The following UQCC1 variants were observed in gnomAD, a reference collection of about 807,000 sequenced individuals.
The protein encoded by UQCC1 is ubiquinol-cytochrome c reductase complex assembly factor 1.
A neutral mutation model predicts 48.0 loss-of-function variants in UQCC1; 38 were observed. The observed-to-expected ratio is 0.79, with a 90% confidence interval of 0.61 to 1.04. The LOEUF is 1.04. Among genes scored for constraint, UQCC1 ranks in the 50% least tolerant of loss-of-function variants. The pLI is 0.00. For missense variants in UQCC1, 368 were observed against 381.8 expected (o/e 0.96, Z 0.30); for synonymous variants, 111 against 129.2 (o/e 0.86, Z 0.95).
At chr20:35,375,232 G>A (rs1297789512) in intron 4 of UQCC1, among the ~76,000 whole-genome samples, 1 of 152,128 alleles carries the variant, frequency 6.6e-6, no homozygotes, top group Non-Finnish European at 1.5e-5. Flanking sequence ...GTGGAGCTAT[G>A]ATACTAAGGT....
chr20:35,344,357 T>C (rs1381047429), intron 7 of UQCC1: 1 of 152,388 alleles, frequency 6.6e-6, no homozygotes, highest in Non-Finnish European at 1.5e-5. Flanking sequence ...GTTCCTGCAG[T>C]CCAGGAGTCA....
chr20:35,330,429 A>G (rs17092579), intron 7 of UQCC1, among the ~76,000 whole-genome samples: 10,872 of 152,248 alleles, frequency 0.071, 519 homozygotes, highest in South Asian at 0.22. Context: ...GAGATGGCAT[A>G]AAATAAAAAC....
intron 7 of UQCC1, among the ~76,000 whole-genome samples, chr20:35,331,598 A>C (rs2061258251): frequency 6.6e-6 from 1 of 152,178 alleles, no homozygotes; most frequent in African/African-American, 2.4e-5. Context: ...CAAAGGCTCC[A>C]AAATAAGGGG....
chr20:35,405,108 C>T (rs549872157), intron 1 of UQCC1, among the ~76,000 whole-genome samples: 1 of 152,226 alleles, frequency 6.6e-6, no homozygotes, highest in Non-Finnish European at 1.5e-5. Flanking sequence ...GCAGAGTTAT[C>T]GAATGCCTGG....
rs1027857320 is a variant in UQCC1, at chr20:35,352,449, C to G, written c.465-5177G>C. 3.3e-5 allele frequency among the ~76,000 whole-genome samples: 5 copies of G among 152,328 alleles called. No homozygotes were observed. In the East Asian group the frequency reaches 5.8e-4, roughly 18 times the overall value. On this transcript the variant is annotated intron_variant, in intron 6 of 9. Coordinates refer to ENST00000374385, the MANE Select transcript of UQCC1 (RefSeq NM_018244.5). ...GGAGATGAGTCTCTGAGAAGTTAAC[C>G]TTTTCTTCCCAGCCTCAATCCTATA...
At chr20:35,347,680 G>A (rs2061446169) in intron 6 of UQCC1, among the ~76,000 whole-genome samples, 1 of 152,210 alleles carries the variant, frequency 6.6e-6, no homozygotes, top group East Asian at 1.9e-4. Context: ...TTTTATATCC[G>A]TAAAACTGGG....
intron 8 of UQCC1, among the ~76,000 whole-genome samples, chr20:35,311,633 G>T (rs569128203): frequency 2.6e-5 from 4 of 152,322 alleles, no homozygotes; most frequent in African/African-American, 9.6e-5. Context: ...GACTTGCTGA[G>T]TCAGAATCTG....
chr20:35,357,433 T>G (rs1439507527), intron 6 of UQCC1, among the ~76,000 whole-genome samples: 3 of 152,080 alleles, frequency 2.0e-5, no homozygotes, highest in Non-Finnish European at 2.9e-5. Flanking sequence ...GGCAGGAGAA[T>G]GGCTTGAACC....
In UQCC1 at chr20:35,374,260, G is replaced by T. The variant is rs759296953; in HGVS notation, c.334-4C>A. On this transcript the variant is annotated splice_polypyrimidine_tract_variant and splice_region_variant and intron_variant, in intron 4 of 9. Transcript: ENST00000374385. Reference sequence around the variant, plus strand: ...GCAGGGCCGCAATCTTAATCTTCTAGACAAAGAGAATAAAACCAAACTCAA... The same window carrying T: ...GCAGGGCCGCAATCTTAATCTTCTATACAAAGAGAATAAAACCAAACTCAA... 3 of 1,608,060 alleles carry T rather than the reference G, an allele frequency of 1.9e-6. No individual in the cohort carries two copies. In the East Asian group the frequency reaches 6.7e-5, roughly 36 times the overall value.
chr20:35,368,337 A>C (rs2061692462), intron 5 of UQCC1, among the ~76,000 whole-genome samples: 1 of 152,162 alleles, frequency 6.6e-6, no homozygotes, highest in African/African-American at 2.4e-5. Flanking sequence ...AGCTCAATGA[A>C]TCCTCCCAAT....
At chr20:35,369,508 T>C (rs565277818) in intron 5 of UQCC1, among the ~76,000 whole-genome samples, 1 of 152,354 alleles carries the variant, frequency 6.6e-6, no homozygotes, top group East Asian at 1.9e-4. Flanking sequence ...TACAATTAAA[T>C]AGTTCATTAC....
chr20:35,407,079 G>A (rs1032121591), intron 1 of UQCC1, among the ~76,000 whole-genome samples: 4 of 152,142 alleles, frequency 2.6e-5, no homozygotes, highest in Non-Finnish European at 5.9e-5. Flanking sequence ...AAAACTTACG[G>A]GAATGGCTTC....
intron 8 of UQCC1, among the ~76,000 whole-genome samples, chr20:35,313,614 T>C (rs1482247970): frequency 2.0e-5 from 3 of 152,136 alleles, no homozygotes; most frequent in Admixed American, 6.5e-5. Context: ...AAATAGGTCT[T>C]CTAATTTCAT....
intron 1 of UQCC1, among the ~76,000 whole-genome samples, chr20:35,396,099 C>T (rs1212357527): frequency 1.3e-5 from 2 of 150,752 alleles, no homozygotes; most frequent in African/African-American, 4.9e-5. Context: ...ATTCTTACGC[C>T]TCAGACTCCC....
chr20:35,320,036 C>T (rs2061105382), intron 7 of UQCC1, among the ~76,000 whole-genome samples: 1 of 152,170 alleles, frequency 6.6e-6, no homozygotes, highest in African/African-American at 2.4e-5. Context: ...CTTCACCCTG[C>T]AGTCAGTAAA....
At chr20:35,356,574 G>A (rs2061549803) in intron 6 of UQCC1, among the ~76,000 whole-genome samples, 1 of 152,238 alleles carries the variant, frequency 6.6e-6, no homozygotes. Flanking sequence ...ACAACTCCAT[G>A]AAGCTGATAC....
chr20:35,341,296 T>TA (rs1479243076), intron 7 of UQCC1, among the ~76,000 whole-genome samples: 1 of 151,806 alleles, frequency 6.6e-6, no homozygotes, highest in Admixed American at 6.6e-5. Context: ...CTGGGGTTTT[T>TA]AAAAAATCAA....
At chr20:35,392,182 T>G in intron 2 of UQCC1, 1 of 1,234,016 alleles carries the variant, frequency 8.1e-7, no homozygotes, top group Non-Finnish European at 1.1e-6. Flanking sequence ...CAATTCTAAT[T>G]AACAAAACTC....
At chr20:35,313,192 C>T (rs944843354) in intron 8 of UQCC1, among the ~76,000 whole-genome samples, 1 of 151,700 alleles carries the variant, frequency 6.6e-6, no homozygotes, top group Non-Finnish European at 1.5e-5. Flanking sequence ...CTGGCTAACA[C>T]GGTGAAACCC....
Sources: allele counts gnomAD v4.1 joint callset (sites outside exome capture counted in the v4.1 genomes callset), GRCh38; gene constraint gnomAD v4.1.1; transcripts MANE v1.5; gene names NCBI Gene and HGNC (gene_info 2026-07-23, HGNC 2026-07-21).